SLC17A4: variants seen among roughly 807,000 people sequenced by gnomAD.
The protein encoded by SLC17A4 is probable small intestine urate exporter.
In SLC17A4, 33 loss-of-function variants were observed where a neutral mutation model predicts 52.5. The ratio of observed to expected loss-of-function variants is 0.63; its 90% CI spans 0.48 to 0.84. The LOEUF (loss-of-function observed/expected upper bound fraction) is 0.84, where lower values mean the gene tolerates loss of function less well. Among genes scored for constraint, SLC17A4 ranks in the 40% least tolerant of loss-of-function variants. The pLI is 0.00. For synonymous variants in SLC17A4, 225 were observed against 216.2 expected, an observed-to-expected ratio of 1.04 and a Z score of -0.36; for missense variants, 585 against 597.1, an observed-to-expected ratio of 0.98 and a Z score of 0.21.
intron 10 of SLC17A4, 99 bp downstream of exon 10, chr6:25,777,058 G>C: frequency 1.1e-5 from 15 of 1,345,226 alleles, no homozygotes; most frequent in Non-Finnish European, 1.4e-5. Context: ...AGGTACAACA[G>C]GTTGCAGGAA....
chr6:25,762,168 T>C, intron 2 of SLC17A4, 115 bp downstream of exon 2: 6 of 799,798 alleles, frequency 7.5e-6, no homozygotes, highest in Non-Finnish European at 9.9e-6. Context: ...CACATCATTT[T>C]CCTTGCTACC....
intron 1 of SLC17A4, among the ~76,000 whole-genome samples, chr6:25,761,471 T>C (rs1264956956): frequency 6.6e-6 from 1 of 152,214 alleles, no homozygotes; most frequent in Non-Finnish European, 1.5e-5. Context: ...TCGGTGGAGA[T>C]ATCTCTTACT....
chr6:25,767,108 T>A (rs1166732679), intron 2 of SLC17A4, among the ~76,000 whole-genome samples: 1 of 152,144 alleles, frequency 6.6e-6, no homozygotes, highest in Non-Finnish European at 1.5e-5. Context: ...ATTAAAAATT[T>A]ATTAAGAAAA....
chr6:25,779,015 T>C (rs1763166340), intron 11 of SLC17A4, 39 bp from the exon 12 acceptor site: 1 of 1,609,840 alleles, frequency 6.2e-7, no homozygotes, highest in Non-Finnish European at 8.5e-7. Context: ...GGGACAGGAA[T>C]TGGGTGACCG....
At chr6:25,766,877 C>A (rs1327269812) in intron 2 of SLC17A4, among the ~76,000 whole-genome samples, 1 of 152,162 alleles carries the variant, frequency 6.6e-6, no homozygotes, top group African/African-American at 2.4e-5. Flanking sequence ...GGAGACATGA[C>A]AACTAAGTGT....
chr6:25,775,137 C>T (rs1244050734), intron 8 of SLC17A4, among the ~76,000 whole-genome samples: 2 of 152,044 alleles, frequency 1.3e-5, no homozygotes, highest in Non-Finnish European at 2.9e-5. Flanking sequence ...TGAGACCAGC[C>T]TGGCCAACAT....
Position 25,768,999 on chromosome 6 carries a change from C to G in SLC17A4, c.106C>G (p.Arg36Gly). 6.2e-7 allele frequency: 1 copy of G among 1,613,874 alleles called. No individual in the cohort carries two copies. Among genetic ancestry groups the G allele is most frequent in the East Asian group, 2.2e-5 (1 of 44,864 alleles). The change falls in exon 3 of 12, where the codon CGA (arginine) becomes GGA (glycine). Residue 36 changes from arginine to glycine, a missense_variant. By Grantham distance (125) the Arg-to-Gly change is moderately radical. Transcript: ENST00000377905. ...ECSRKGFCSVRHGLALILQLC... is the reference protein window; with the variant it reads ...ECSRKGFCSVGHGLALILQLC... ...TTTCCTCTCAGGTTTTTGTTCAGTC[C>G]GACATGGGCTGGCCCTCATCTTGCA...
rs146298277 is a variant in SLC17A4, at chr6:25,777,915, C to G, written c.1269-11C>G. ...ACTTGGTTATAATAGAGTACCATCT[C>G]TCTCTCTCAGGTACACTGGCTTTCT... On this transcript the variant is annotated splice_polypyrimidine_tract_variant and intron_variant, in intron 10 of 11. Coordinates refer to ENST00000377905, the MANE Select transcript of SLC17A4 (RefSeq NM_005495.3). 4.3e-3 allele frequency: 6,869 copies of G among 1,602,286 alleles called. 18 individuals carry two copies. Among genetic ancestry groups the G allele is most frequent in the Non-Finnish European group, 4.9e-3 (5,712 of 1,169,818 alleles).
chr6:25,765,102 T>A (rs2151430037), intron 2 of SLC17A4, among the ~76,000 whole-genome samples: 1 of 152,234 alleles, frequency 6.6e-6, no homozygotes, highest in Non-Finnish European at 1.5e-5. Flanking sequence ...CACACACAAC[T>A]GGCTTTTATG....
rs1345799433 is a variant in SLC17A4, at chr6:25,779,477, A to G, written c.*289A>G. 1.4e-5 allele frequency: 4 copies of G among 289,082 alleles called. No individual in the cohort carries two copies. Among genetic ancestry groups the G allele is most frequent in the Non-Finnish European group, 2.6e-5 (4 of 156,828 alleles). The allele number at this position is 289,082 out of a possible 1,614,324, so 17.9% of individuals were successfully genotyped here. The stretch of plus-strand genomic sequence containing the variant: ...GGGGACAATTTCTTTCCAAAGCAAA[A>G]GAGGAAGCCAGACCTTGGGACCGAG... On this transcript the variant is annotated 3_prime_UTR_variant, in exon 12 of 12. Transcript: ENST00000377905.
intron 2 of SLC17A4, among the ~76,000 whole-genome samples, chr6:25,767,895 G>T (rs977697033): frequency 6.6e-6 from 1 of 152,132 alleles, no homozygotes; most frequent in Non-Finnish European, 1.5e-5. Flanking sequence ...AAAAGCTGAT[G>T]AATATGATAG....
chr6:25,770,072 T>G lies in SLC17A4; in HGVS notation c.303T>G (p.Pro101=). 1.9e-6 allele frequency: 3 copies of G among 1,613,816 alleles called. No homozygotes were observed. The highest frequency in any genetic ancestry group is 1.7e-6 in the Non-Finnish European group (2 of 1,179,740). The change falls in exon 4 of 12, where the codon CCT becomes CCG. Residue 101 remains proline, a synonymous_variant. Coordinates refer to ENST00000377905, the MANE Select transcript of SLC17A4 (RefSeq NM_005495.3). The part of the protein sequence containing the change: ...ETLKEFKAMA[P]AYDWSPEIQG... The stretch of plus-strand genomic sequence containing the variant: ...TAACTCTCTTTGTCATCTAGGCCCC[T>G]GCATATGACTGGAGTCCTGAAATCC...
chr6:25,758,217 G>C (rs1648781311), intron 1 of SLC17A4, among the ~76,000 whole-genome samples: 1 of 152,178 alleles, frequency 6.6e-6, no homozygotes, highest in South Asian at 2.1e-4. Context: ...TGACCTCCTT[G>C]CAGGCAGCTC....
chr6:25,764,811 T>G (rs1761867426), intron 2 of SLC17A4, among the ~76,000 whole-genome samples: 3 of 152,238 alleles, frequency 2.0e-5, no homozygotes, highest in Admixed American at 6.5e-5. Context: ...CTTTCTGATC[T>G]GCAATTTAGC....
chr6:25,769,082 T>G lies in SLC17A4; in HGVS notation c.189T>G (p.Ala63=), dbSNP rs1285899225. Residue 63 remains alanine (A), a synonymous_variant, in exon 3 of 12, where the codon GCT becomes GCG. Transcript: ENST00000377905. ...TGAACTTGAGCATTGCCATCCCAGC[T>G]ATGGTGAACAACACAGCCCCACCTA... ...QQMNLSIAIP[A]MVNNTAPPSQ... The G allele has an allele frequency of 6.2e-7, 1 of 1,613,942 alleles. No homozygotes were observed. Among genetic ancestry groups the G allele is most frequent in the Non-Finnish European group, 8.5e-7 (1 of 1,179,984 alleles).
rs1278921179 is a variant in SLC17A4 at position 25,769,099 on chromosome 6, C to T, written c.206C>T (p.Ala69Val). The part of the protein sequence containing the change: ...IAIPAMVNNT[A>V]PPSQPNASTE... ...ATCCCAGCTATGGTGAACAACACAG[C>T]CCCACCTAGCCAGCCCAATGCTTCC... The change falls in exon 3 of 12, where the codon GCC becomes GTC. Residue 69 changes from alanine to valine, a missense_variant. Physicochemically the swap from Ala to Val is moderately conservative, Grantham distance 64 (BLOSUM62 0). Transcript: ENST00000377905. 1.9e-6 allele frequency: 3 copies of T among 1,613,866 alleles called. No individual in the cohort carries two copies. Among genetic ancestry groups the T allele is most frequent in the Non-Finnish European group, 1.7e-6 (2 of 1,179,890 alleles).
chr6:25,769,057 T>C lies in SLC17A4; in HGVS notation c.164T>C (p.Met55Thr). Residue 55 changes from methionine to threonine, a missense_variant, in exon 3 of 12, where the codon ATG becomes ACG. Coordinates refer to ENST00000377905, the MANE Select transcript of SLC17A4 (RefSeq NM_005495.3). ...LCNFSIYTQQ[M>T]NLSIAIPAMV... ...AATTTTTCAATTTACACCCAACAAATGAACTTGAGCATTGCCATCCCAGCT... is the reference window on the plus strand; with the variant it reads ...AATTTTTCAATTTACACCCAACAAACGAACTTGAGCATTGCCATCCCAGCT... 3 of 1,614,026 alleles carry C rather than the reference T, an allele frequency of 1.9e-6. No individual in the cohort carries two copies. The highest frequency in any genetic ancestry group is 1.7e-4 in the Middle Eastern group (1 of 6,060).
In SLC17A4 at chr6:25,769,161, A is replaced by T; in HGVS notation, c.268A>T (p.Asn90Tyr). ...RPSTDSQGYWNETLKEFKAMA... is the reference protein window; with the variant it reads ...RPSTDSQGYWYETLKEFKAMA... Reference sequence around the variant, plus strand: ...CTCCACTGACTCCCAGGGCTACTGGAATGAAACTCTAAAAGAATTTAAAGC... The same window carrying T: ...CTCCACTGACTCCCAGGGCTACTGGTATGAAACTCTAAAAGAATTTAAAGC... Residue 90 changes from asparagine to tyrosine, a missense_variant, in exon 3 of 12, where the codon AAT becomes TAT. Coordinates refer to ENST00000377905, the MANE Select transcript of SLC17A4 (RefSeq NM_005495.3). 1 of 1,614,064 alleles carries T rather than the reference A, an allele frequency of 6.2e-7. No homozygotes were observed. The highest frequency in any genetic ancestry group is 8.5e-7 in the Non-Finnish European group (1 of 1,179,954).
At chr6:25,776,142 G>A (rs548260342) in intron 8 of SLC17A4, among the ~76,000 whole-genome samples, 2 of 123,364 alleles carry the variant, frequency 1.6e-5, no homozygotes, top group Admixed American at 1.6e-4. Context: ...TTAGCACAGA[G>A]CATGCCAAAA....
Sources: gnomAD v4.1 joint callset for allele counts (sites outside exome capture counted in the v4.1 genomes callset) on GRCh38, gnomAD v4.1.1 for gene constraint, MANE v1.5 for transcripts, NCBI Gene and HGNC (gene_info 2026-07-23, HGNC 2026-07-21) for gene names.